The following ZSCAN1 variants were observed in gnomAD, a reference collection of about 807,000 sequenced individuals.
ZSCAN1 encodes zinc finger and SCAN domain-containing protein 1.
A neutral mutation model predicts 23.8 loss-of-function variants in ZSCAN1; 23 were observed. That is an observed-to-expected ratio of 0.97 (90% CI 0.70 to 1.37). ZSCAN1 has a LOEUF of 1.37. ZSCAN1 is among the 40% of genes most tolerant of loss of function. The pLI is 0.00. For synonymous variants in ZSCAN1, 236 were observed against 232.3 expected (o/e 1.02, Z -0.15); for missense variants, 575 against 554.0 (o/e 1.04, Z -0.38).
In ZSCAN1 at chr19:58,040,864, A is replaced by G; in HGVS notation, c.465+320A>G. Among the ~76,000 whole-genome samples the G allele has an allele frequency of 6.6e-6, 1 of 152,170 alleles. No homozygotes were observed. Among genetic ancestry groups the G allele is most frequent in the East Asian group, 1.9e-4 (1 of 5,186 alleles). ...CGCACCAGATGCTGCGTGTGTTGAG[A>G]AAGTCCTGCTGCCCCGATCATCTTC... On this transcript the variant is annotated intron_variant, in intron 4 of 5. Transcript: ENST00000282326. The surrounding 1 kb of genome is among the most constrained non-coding windows in gnomAD (Gnocchi z 5.8).
chr19:58,037,104 C>T lies in ZSCAN1; in HGVS notation c.-109-624C>T, dbSNP rs187349373. On this transcript the variant is annotated intron_variant, in intron 2 of 5. Coordinates refer to ENST00000282326, the MANE Select transcript of ZSCAN1 (RefSeq NM_182572.4). ...GGACCTGGTAGGAAAGTCAGGAAGA[C>T]AGCAAAGATAACACCATGGGTAGAC... 1.1e-3 allele frequency among the ~76,000 whole-genome samples: 172 copies of T among 152,294 alleles called. 1 individual carries two copies. The highest frequency in any genetic ancestry group is 3.9e-3 in the African/African-American group (161 of 41,554).
intron 1 of ZSCAN1, chr19:58,035,324 G>A (rs912437285): frequency 6.5e-6 from 1 of 152,904 alleles, no homozygotes; most frequent in African/African-American, 2.4e-5. Context: ...CATTGGCCTA[G>A]GTGTTCCACA....
Position 58,040,358 on chromosome 19 carries a change from G to A in ZSCAN1, c.371-92G>A, listed in dbSNP as rs539355885. 6.2e-5 allele frequency: 85 copies of A among 1,364,270 alleles called. 1 individual carries two copies. The African/African-American group carries it at 1.0e-3, about 16-fold the overall frequency. 84.5% of individuals were successfully genotyped at this position (1,364,270 alleles called of 1,614,324 possible). On this transcript the variant is annotated intron_variant, in intron 3 of 5. Coordinates refer to ENST00000282326, the MANE Select transcript of ZSCAN1 (RefSeq NM_182572.4). This position sits in a 1 kb window ranked among gnomAD's most constrained non-coding sequence, Gnocchi z 5.8. ...TGCGCCTCAGGGGTGCTGCAGGGAT[G>A]TTCGGGGAAAGTCTGCCCTCCCCAG... is the stretch of plus-strand genomic sequence containing the variant.
chr19:58,034,066 G>A lies in ZSCAN1; in HGVS notation c.-247G>A, dbSNP rs531925689. On this transcript the variant is annotated 5_prime_UTR_variant, in exon 1 of 6. In the 5' UTR this introduces an upstream ATG that the reference lacks. Coordinates refer to ENST00000282326, the MANE Select transcript of ZSCAN1 (RefSeq NM_182572.4). ...ATGGCGGCCGCCCGCGGCGCGCAGG[G>A]TGCGGGGATGGGGTCCGCCCGCGGC... 6.6e-6 allele frequency: 1 copy of A among 151,724 alleles called. No homozygotes were observed. Among genetic ancestry groups the A allele is most frequent in the Non-Finnish European group, 1.5e-5 (1 of 67,898 alleles). The allele number at this position is 151,724 out of a possible 1,614,324, so 9.4% of individuals were successfully genotyped here. A position where few individuals can be genotyped will look rare whatever the true frequency, so the allele number is the denominator to read the frequency against.
chr19:58,051,232 A>C (rs573009447), intron 4 of ZSCAN1, among the ~76,000 whole-genome samples: 3 of 152,292 alleles, frequency 2.0e-5, no homozygotes, highest in Admixed American at 2.0e-4. Context: ...CTGACTGTCC[A>C]CAATGGCCCC....
rs1327998816 is a variant in ZSCAN1, at chr19:58,047,668, C to G, written c.466-4822C>G. On this transcript the variant is annotated intron_variant, in intron 4 of 5. Coordinates refer to ENST00000282326, the MANE Select transcript of ZSCAN1 (RefSeq NM_182572.4). The surrounding 1 kb of genome is among the most constrained non-coding windows in gnomAD (Gnocchi z 4.9). Reference sequence around the variant, plus strand: ...GTAGCTTCTAATGTGAGGTTTGAGTCCAGTGCACCCACAGCAGCATACCCT... The same window carrying G: ...GTAGCTTCTAATGTGAGGTTTGAGTGCAGTGCACCCACAGCAGCATACCCT... Among the ~76,000 whole-genome samples, 1 of 152,214 alleles carries G rather than the reference C, an allele frequency of 6.6e-6. No homozygotes were observed. The highest frequency in any genetic ancestry group is 2.4e-5 in the African/African-American group (1 of 41,456).
Position 58,045,408 on chromosome 19 carries a change from G to A in ZSCAN1, c.465+4864G>A, listed in dbSNP as rs577602595. On this transcript the variant is annotated intron_variant, in intron 4 of 5. Transcript: ENST00000282326. The surrounding 1 kb of genome is among the most constrained non-coding windows in gnomAD (Gnocchi z 4.3). ...CATCCAGGAGATGGCCTTGAAGAAC[G>A]AGGCAGCCAAGGGCAGTGCCACCAA... The A allele has an allele frequency of 1.7e-4, 168 of 982,608 alleles. 2 individuals carry two copies. Among genetic ancestry groups the A allele is most frequent in the Non-Finnish European group, 2.7e-4 (161 of 603,104 alleles). 60.9% of individuals were successfully genotyped at this position (982,608 alleles called of 1,614,324 possible). A position where few individuals can be genotyped will look rare whatever the true frequency, so the allele number is the denominator to read the frequency against.
Position 58,038,540 on chromosome 19 carries a change from C to T in ZSCAN1, c.370+334C>T, listed in dbSNP as rs543891088. 1.3e-5 allele frequency: 7 copies of T among 552,598 alleles called. No homozygotes were observed. In the Admixed American group the frequency reaches 2.1e-4, roughly 16 times the overall value. The allele number at this position is 552,598 out of a possible 1,614,324, so 34.2% of individuals were successfully genotyped here. On this transcript the variant is annotated intron_variant, in intron 3 of 5. Transcript: ENST00000282326. ...CACTTCCTCCCAGCCACCTGCAGCG[C>T]CTCCTGCAACACTCAGGAATCCTAG...
In ZSCAN1 at chr19:58,037,716, C is replaced by T. The variant is rs1485031321; in HGVS notation, c.-109-12C>T. 1.4e-5 allele frequency: 18 copies of T among 1,265,596 alleles called. No individual in the cohort carries two copies. In the East Asian group the frequency reaches 4.2e-4, roughly 29 times the overall value. The allele number at this position is 1,265,596 out of a possible 1,614,324, so 78.4% of individuals were successfully genotyped here. On this transcript the variant is annotated splice_polypyrimidine_tract_variant and intron_variant, in intron 2 of 5. Transcript: ENST00000282326. ...TCTGATGTGACCCCTCTGTCCCTGC[C>T]CCTCTCTGCAGGCCCCTGATTGCTG...
At position 58,045,756 on chromosome 19, in the gene ZSCAN1, G is replaced by A; in HGVS notation, c.465+5212G>A. 2 of 1,479,098 alleles carry A rather than the reference G, an allele frequency of 1.4e-6. No homozygotes were observed. The highest frequency in any genetic ancestry group is 1.9e-6 in the Non-Finnish European group (2 of 1,057,994). The allele number at this position is 1,479,098 out of a possible 1,614,324, so 91.6% of individuals were successfully genotyped here. The stretch of plus-strand genomic sequence containing the variant: ...TCAGGGAAAACCACCTGAGGGGCCA[G>A]CTGAAGCAGTGGCTGGACCTGCACC... On this transcript the variant is annotated intron_variant, in intron 4 of 5. Transcript: ENST00000282326. This position sits in a 1 kb window ranked among gnomAD's most constrained non-coding sequence, Gnocchi z 4.3.
chr19:58,048,411 C>T (rs1412917210), intron 4 of ZSCAN1, among the ~76,000 whole-genome samples: 2 of 152,226 alleles, frequency 1.3e-5, no homozygotes, highest in Admixed American at 1.3e-4. Flanking sequence ...TTGAGGTGGC[C>T]AAGGCCGGAG....
chr19:58,044,997 C>T (rs1175868198), intron 4 of ZSCAN1: 3 of 1,140,040 alleles, frequency 2.6e-6, no homozygotes, highest in Admixed American at 3.5e-5. Flanking sequence ...TGGAGGAAGG[C>T]GGCCCTGTGT....
At position 58,052,494 on chromosome 19, in the gene ZSCAN1, C is replaced by G; in HGVS notation, c.470C>G (p.Ser157Cys). ...GTCCTGTGCTTGCCATTCTAGGCGTCTGAGCTGATTCTGGATGCAGTGGCA... is the reference window on the plus strand; with the variant it reads ...GTCCTGTGCTTGCCATTCTAGGCGTGTGAGCTGATTCTGGATGCAGTGGCA... The part of the protein sequence containing the change: ...PRSQKEPSQA[S>C]ELILDAVAAA... The change falls in exon 5 of 6, where the codon TCT becomes TGT. Residue 157 changes from serine (S) to cysteine (C), a missense_variant. Ser to Cys is a moderately radical substitution (Grantham distance 112). Transcript: ENST00000282326. 1 of 1,614,144 alleles carries G rather than the reference C, an allele frequency of 6.2e-7. No homozygotes were observed. Among genetic ancestry groups the G allele is most frequent in the Non-Finnish European group, 8.5e-7 (1 of 1,180,004 alleles).
intron 4 of ZSCAN1, 101 bp from the exon 5 acceptor site, chr19:58,052,389 G>A (rs1037902156): frequency 1.3e-6 from 2 of 1,578,456 alleles, no homozygotes; most frequent in East Asian, 4.5e-5. Context: ...CCCTGGGACA[G>A]AGCCTTTGGG....
At chr19:58,038,305 G>A in intron 3 of ZSCAN1, 99 bp downstream of exon 3, 1 of 1,467,590 alleles carries the variant, frequency 6.8e-7, no homozygotes, top group East Asian at 2.5e-5. Context: ...TCCCACCCCT[G>A]CCCGGCCCCT....
In ZSCAN1 at chr19:58,040,064, G is replaced by C. The variant is rs1052342349; in HGVS notation, c.371-386G>C. Among the ~76,000 whole-genome samples, 4 of 152,144 alleles carry C rather than the reference G, an allele frequency of 2.6e-5. No homozygotes were observed. Among genetic ancestry groups the C allele is most frequent in the Admixed American group, 1.3e-4 (2 of 15,280 alleles). On this transcript the variant is annotated intron_variant, in intron 3 of 5. Coordinates refer to ENST00000282326, the MANE Select transcript of ZSCAN1 (RefSeq NM_182572.4). The surrounding 1 kb of genome is among the most constrained non-coding windows in gnomAD (Gnocchi z 5.8). The stretch of plus-strand genomic sequence containing the variant: ...CCCACGTCTTGACCCTTCTGTCAAT[G>C]GTGTCCTGAACCCTGCTTCAGCAGT...
chr19:58,046,288 A>C, intron 4 of ZSCAN1: 1 of 799,114 alleles, frequency 1.3e-6, no homozygotes, highest in Non-Finnish European at 2.3e-6. Context: ...GAAGGAGGAC[A>C]TGCAGGACTA....
At position 58,037,864 on chromosome 19, in the gene ZSCAN1, TCCCCCAGACG is replaced by T. The variant is rs779668964; in HGVS notation, c.38_47del (p.Arg13ProfsTer52). ...GCTTCCACGGCCCAAAGCCCCTGCC[TCCCCCAGACG>T]CCCCCAGACCCCAACCCCGAGTGAG... On this transcript the variant is annotated frameshift_variant, in exon 3 of 6. Coordinates refer to ENST00000282326, the MANE Select transcript of ZSCAN1 (RefSeq NM_182572.4). LOFTEE classifies it high-confidence loss of function. The T allele has an allele frequency of 2.7e-5, 41 of 1,515,108 alleles. No individual in the cohort carries two copies. Among genetic ancestry groups the T allele is most frequent in the Non-Finnish European group, 3.1e-5 (35 of 1,134,014 alleles). The allele number at this position is 1,515,108 out of a possible 1,614,324, so 93.9% of individuals were successfully genotyped here.
At chr19:58,044,828 G>A (rs774006513) in intron 4 of ZSCAN1, 1 of 748,130 alleles carries the variant, frequency 1.3e-6, no homozygotes, top group South Asian at 1.5e-5. Flanking sequence ...GAGTGCCTTC[G>A]CACCGTGTCG....
Sources: gnomAD v4.1 joint callset for allele counts (sites outside exome capture counted in the v4.1 genomes callset) on GRCh38, gnomAD v4.1.1 for gene constraint, Gnocchi (gnomAD v3.1) non-coding constraint, MANE v1.5 for transcripts, NCBI Gene and HGNC (gene_info 2026-07-23, HGNC 2026-07-21) for gene names.